The following PRKAR1A variants were observed in gnomAD, a reference collection of about 807,000 sequenced individuals.
PRKAR1A encodes the protein cAMP-dependent protein kinase type I-alpha regulatory subunit.
Under a neutral mutation model 52.0 loss-of-function variants are expected in PRKAR1A, and 3 were observed. The observed-to-expected ratio is 0.06, with a 90% confidence interval of 0.03 to 0.15. PRKAR1A has a LOEUF of 0.15. PRKAR1A is among the 10% of genes least tolerant of loss of function. The pLI, the probability that PRKAR1A is intolerant of heterozygous loss-of-function variation, is 1.00. For synonymous variants in PRKAR1A, 188 were observed against 168.4 expected (o/e 1.12, Z -0.90); for missense variants, 240 against 477.4 (o/e 0.50, Z 4.63).
the PRKAR1A span, among the ~76,000 whole-genome samples, chr17:68,431,790 A>AGAGCCATAACTGCTGGGG: frequency 2.0e-5 from 3 of 150,106 alleles, no homozygotes; most frequent in Non-Finnish European, 2.9e-5. Context: ...GAGAACCCAG[A>AGAGCCATAACTGCTGGGG]ACAGCTTGGA....
chr17:68,502,137 T>C, the PRKAR1A span, among the ~76,000 whole-genome samples: 2 of 152,152 alleles, frequency 1.3e-5, no homozygotes, highest in Admixed American at 1.3e-4. Context: ...GCCCTTGCAG[T>C]CCCTACTCAT....
intron 10 of PRKAR1A, 72 bp downstream of exon 10, chr17:68,530,073 C>G (rs767182291): frequency 5.8e-6 from 9 of 1,553,984 alleles, no homozygotes; most frequent in Non-Finnish European, 8.0e-6. Context: ...TTGTAGTCTT[C>G]CATAATTTTG....
the PRKAR1A span, among the ~76,000 whole-genome samples, chr17:68,442,278 A>T: frequency 6.6e-6 from 1 of 152,118 alleles, no homozygotes; most frequent in African/African-American, 2.4e-5. Context: ...AGCCTGGCCA[A>T]CATGGTGAAA....
chr17:68,520,443 A>G (rs866696839), intron 2 of PRKAR1A, among the ~76,000 whole-genome samples: 1 of 152,152 alleles, frequency 6.6e-6, no homozygotes, highest in African/African-American at 2.4e-5. Context: ...GTAGACTGGG[A>G]GGTTTTTTCT....
chr17:68,432,879 C>T, the PRKAR1A span, among the ~76,000 whole-genome samples: 1 of 152,176 alleles, frequency 6.6e-6, no homozygotes, highest in African/African-American at 2.4e-5. Context: ...TTTTCCAACC[C>T]CCATTCTGCA....
rs2085983565 is a variant in PRKAR1A, at chr17:68,531,808, G to GTT, written c.*1361_*1362dup. Reference sequence around the variant, plus strand: ...TACATTATTCCAATGATACCCAACAGTTTATTTTTATTATTTTTTTAAACA... The same window carrying GTT: ...TACATTATTCCAATGATACCCAACAGTTTTTATTTTTATTATTTTTTTAAACA... On this transcript the variant is annotated 3_prime_UTR_variant, in exon 11 of 11. Transcript: ENST00000589228. The GTT allele has an allele frequency of 9.7e-7, 1 of 1,033,308 alleles. No homozygotes were observed. Among genetic ancestry groups the GTT allele is most frequent in the African/African-American group, 1.7e-5 (1 of 60,260 alleles). 64.0% of individuals were successfully genotyped at this position (1,033,308 alleles called of 1,614,324 possible). A position where few individuals can be genotyped will look rare whatever the true frequency, so the allele number is the denominator to read the frequency against.
rs1374330928 is a variant in PRKAR1A, at chr17:68,531,943, CAACT to C, written c.*1499_*1502del. ...CTGCAAGCATTTTTCCATCTGTGTG[CAACT>C]AACTGACTCTGTTATTGATCCCTTC... On this transcript the variant is annotated 3_prime_UTR_variant, in exon 11 of 11. Transcript: ENST00000589228. 4.7e-6 allele frequency: 5 copies of C among 1,065,724 alleles called. No homozygotes were observed. In the East Asian group the frequency reaches 1.5e-4, roughly 32 times the overall value. 66.0% of individuals were successfully genotyped at this position (1,065,724 alleles called of 1,614,324 possible).
chr17:68,545,749 C>T (rs1163414188), intron 11 of PRKAR1A, among the ~76,000 whole-genome samples: 1 of 152,232 alleles, frequency 6.6e-6, no homozygotes, highest in Non-Finnish European at 1.5e-5. Flanking sequence ...AACCCTGCTG[C>T]TGCTTTATCA....
At chr17:68,516,294 A>T (rs938184894) in intron 2 of PRKAR1A, among the ~76,000 whole-genome samples, 1 of 152,198 alleles carries the variant, frequency 6.6e-6, no homozygotes, top group Admixed American at 6.5e-5. Context: ...AAGCAAATGA[A>T]TGCTTCAATT....
chr17:68,464,692 A>C, the PRKAR1A span, among the ~76,000 whole-genome samples: 30 of 59,008 alleles, frequency 5.1e-4, no homozygotes, highest in African/African-American at 1.6e-3. Context: ...TGTCTCAAAA[A>C]AAAAAACAAA....
rs2085965649 is a variant in PRKAR1A at position 68,531,209 on chromosome 17, G to A, written c.*760G>A. The A allele has an allele frequency of 1.9e-6, 2 of 1,065,862 alleles. No homozygotes were observed. Among genetic ancestry groups the A allele is most frequent in the Non-Finnish European group, 1.1e-6 (1 of 879,424 alleles). 66.0% of individuals were successfully genotyped at this position (1,065,862 alleles called of 1,614,324 possible). A position where few individuals can be genotyped will look rare whatever the true frequency, so the allele number is the denominator to read the frequency against. On this transcript the variant is annotated 3_prime_UTR_variant, in exon 11 of 11. Transcript: ENST00000589228. The stretch of plus-strand genomic sequence containing the variant: ...GTTAGTATTTAACTACATCTGCCTC[G>A]GCTCACAAATTCCGATTAGACCTTT...
Position 68,530,577 on chromosome 17 carries a change from T to C in PRKAR1A, c.*128T>C. The stretch of plus-strand genomic sequence containing the variant: ...TCGCAGCTTCCTGTCTGTTTATATA[T>C]TGAAAGTTGCTTTTATTGCACCATT... On this transcript the variant is annotated 3_prime_UTR_variant, in exon 11 of 11. Coordinates refer to ENST00000589228, the MANE Select transcript of PRKAR1A (RefSeq NM_002734.5). 6.4e-7 allele frequency: 1 copy of C among 1,568,002 alleles called. No individual in the cohort carries two copies. Among genetic ancestry groups the C allele is most frequent in the Non-Finnish European group, 8.6e-7 (1 of 1,157,918 alleles).
chr17:68,520,071 A>G (rs1218249508), intron 2 of PRKAR1A, among the ~76,000 whole-genome samples: 7 of 152,184 alleles, frequency 4.6e-5, no homozygotes, highest in African/African-American at 1.7e-4. Context: ...TTGACACCAC[A>G]TATCTTGTTC....
chr17:68,455,388 A>G, the PRKAR1A span, among the ~76,000 whole-genome samples: 1 of 151,618 alleles, frequency 6.6e-6, no homozygotes, highest in East Asian at 1.9e-4. Context: ...AAAGTACCCA[A>G]AGTGTATAGC....
chr17:68,503,288 A>G, the PRKAR1A span, among the ~76,000 whole-genome samples: 2 of 152,212 alleles, frequency 1.3e-5, no homozygotes, highest in Non-Finnish European at 2.9e-5. Context: ...GGGTACACCT[A>G]CTTTAGAATC....
chr17:68,530,930 T>G lies in PRKAR1A; in HGVS notation c.*481T>G, dbSNP rs1253451194. ...TAGGGAAAATGGATATAGAAAATCT[T>G]AGTATAGTAGAAAGACATCTGCCTG... On this transcript the variant is annotated 3_prime_UTR_variant, in exon 11 of 11. Coordinates refer to ENST00000589228, the MANE Select transcript of PRKAR1A (RefSeq NM_002734.5). The G allele has an allele frequency of 2.7e-6, 3 of 1,106,050 alleles. No individual in the cohort carries two copies. In the African/African-American group the frequency reaches 4.8e-5, roughly 18 times the overall value. 68.5% of individuals were successfully genotyped at this position (1,106,050 alleles called of 1,614,324 possible).
chr17:68,471,896 G>A, the PRKAR1A span, among the ~76,000 whole-genome samples: 1 of 152,026 alleles, frequency 6.6e-6, no homozygotes, highest in African/African-American at 2.4e-5. Flanking sequence ...TGCCTCCCAG[G>A]TTCAAGCCAT....
At chr17:68,489,307 A>ATG in the PRKAR1A span, among the ~76,000 whole-genome samples, 1 of 86,826 alleles carries the variant, frequency 1.2e-5, no homozygotes, top group Non-Finnish European at 2.1e-5. Context: ...ATATATATAT[A>ATG]TATGGAAAGT....
intron 1 of PRKAR1A, chr17:68,512,922 A>G (rs1211672114): frequency 1.3e-5 from 2 of 152,018 alleles, no homozygotes; most frequent in Non-Finnish European, 2.9e-5. Context: ...CAACGGCTCT[A>G]TTTTACTGGG....
Sources: allele counts gnomAD v4.1 joint callset (sites outside exome capture counted in the v4.1 genomes callset), GRCh38; gene constraint gnomAD v4.1.1; transcripts MANE v1.5; gene names NCBI Gene and HGNC (gene_info 2026-07-23, HGNC 2026-07-21).